The following TDRD1 variants were observed in gnomAD, a reference collection of about 807,000 sequenced individuals.
TDRD1 encodes tudor domain containing 1.
In TDRD1, 37 loss-of-function variants were observed where a neutral mutation model predicts 140.6. The observed-to-expected ratio is 0.26, with a 90% CI of 0.20 to 0.35. The LOEUF is 0.35. Ranked by LOEUF, TDRD1 falls within the 10% of genes least tolerant of loss-of-function variation. The pLI is 1.00. For missense variants in TDRD1, 1,243 were observed against 1,393.0 expected (o/e 0.89, Z 1.71); for synonymous variants, 506 against 475.7 (o/e 1.06, Z -0.83).
chr10:114,186,686 G>A (rs2033558226), intron 1 of TDRD1, among the ~76,000 whole-genome samples: 1 of 152,156 alleles, frequency 6.6e-6, no homozygotes, highest in South Asian at 2.1e-4. Context: ...CCTGGCAGCT[G>A]CAGGATCTCC....
At chr10:114,190,114 G>C (rs1358500566) in intron 2 of TDRD1, among the ~76,000 whole-genome samples, 3 of 152,086 alleles carry the variant, frequency 2.0e-5, no homozygotes, top group Non-Finnish European at 1.5e-5. Context: ...ACCAAAACCA[G>C]AAGCAACATT....
Position 114,212,062 on chromosome 10 carries a change from T to G in TDRD1, c.1831+26T>G, listed in dbSNP as rs559709417. On this transcript the variant is annotated intron_variant, in intron 14 of 25. Coordinates refer to ENST00000251864, the Ensembl canonical transcript of TDRD1. ...GTATGAAATTTTTATAGCCTCCATA[T>G]TCTTTAAAAATTCTACAGATGAAGA... is the stretch of plus-strand genomic sequence containing the variant. The G allele has an allele frequency of 3.8e-6, 6 of 1,562,546 alleles. No homozygotes were observed. The East Asian group carries it at 9.3e-5, about 24-fold the overall frequency.
chr10:114,211,736 C>T (rs1318435808), intron 13 of TDRD1, 130 bp from the exon 14 acceptor site: 3 of 896,248 alleles, frequency 3.3e-6, no homozygotes, highest in Non-Finnish European at 4.8e-6. Context: ...AATTAGTAAA[C>T]ATTGTTCTAT....
At chr10:114,220,728 T>A in exon 19 of TDRD1, 1 of 1,613,126 alleles carries the variant, frequency 6.2e-7, no homozygotes, top group Non-Finnish European at 8.5e-7. Flanking sequence ...GAATAATTAG[T>A]GATGTTCTGA....
rs1000780994 is a variant in TDRD1, at chr10:114,200,802, A to G, written c.530-608A>G. The stretch of plus-strand genomic sequence containing the variant: ...CTTGGTCTCCCAAAGTGCTGGGATT[A>G]CAGGCGTGAGCCACTGCATGTTTTG... On this transcript the variant is annotated intron_variant, in intron 4 of 25. Coordinates refer to ENST00000251864, the Ensembl canonical transcript of TDRD1. Among the ~76,000 whole-genome samples, 4 of 148,878 alleles carry G rather than the reference A, an allele frequency of 2.7e-5. No homozygotes were observed. The South Asian group carries it at 8.6e-4, about 32-fold the overall frequency.
In TDRD1 at chr10:114,211,107, A is replaced by G. The variant is rs1344101721; in HGVS notation, c.1660+140A>G. On this transcript the variant is annotated intron_variant, in intron 13 of 25. Transcript: ENST00000251864. Reference sequence around the variant, plus strand: ...GCTTGAATATTAGAGTGAACCAATCATGTTTTTAAATAGATCAAATTAAAC... The same window carrying G: ...GCTTGAATATTAGAGTGAACCAATCGTGTTTTTAAATAGATCAAATTAAAC... 14 of 650,594 alleles carry G rather than the reference A, an allele frequency of 2.2e-5. No homozygotes were observed. In the East Asian group the frequency reaches 3.4e-4, roughly 16 times the overall value. 40.3% of individuals were successfully genotyped at this position (650,594 alleles called of 1,614,324 possible).
At chr10:114,187,256 A>G (rs1189652287) in intron 1 of TDRD1, among the ~76,000 whole-genome samples, 1 of 152,194 alleles carries the variant, frequency 6.6e-6, no homozygotes, top group Admixed American at 6.5e-5. Context: ...GAGATGATCA[A>G]AGCAGAGGCC....
intron 4 of TDRD1, 54 bp downstream of exon 4, chr10:114,199,371 A>G (rs1333481993): frequency 2.8e-5 from 43 of 1,553,906 alleles, no homozygotes; most frequent in Non-Finnish European, 3.3e-5. Flanking sequence ...TTTGAAAAAC[A>G]TTTTTATTGT....
intron 11 of TDRD1, among the ~76,000 whole-genome samples, chr10:114,208,996 A>G (rs537544276): frequency 5.3e-5 from 8 of 151,970 alleles, no homozygotes; most frequent in Non-Finnish European, 8.8e-5. Context: ...GTTGGCCAGG[A>G]TGGTCTCCAT....
chr10:114,229,234 T>C (rs1220581176), intron 25 of TDRD1, among the ~76,000 whole-genome samples: 1 of 152,256 alleles, frequency 6.6e-6, no homozygotes, highest in African/African-American at 2.4e-5. Flanking sequence ...AACAAATTTA[T>C]ATTAAACTGT....
chr10:114,218,730 G>C, intron 18 of TDRD1, 146 bp downstream of exon 18: 2 of 576,146 alleles, frequency 3.5e-6, no homozygotes. Flanking sequence ...TTACAATATT[G>C]ACCAAAAACG....
rs755348762 is a variant in TDRD1, at chr10:114,206,196, C to T, written c.1298-48C>T. On this transcript the variant is annotated intron_variant, in intron 10 of 25. Coordinates refer to ENST00000251864, the Ensembl canonical transcript of TDRD1. ...TCTTCTTTACGCTTTTCCCATAATT[C>T]TTTGTATAGTTTCTCAATGGAGGCA... The T allele has an allele frequency of 1.0e-5, 14 of 1,356,322 alleles. No individual in the cohort carries two copies. The Admixed American group carries it at 2.1e-4, about 20-fold the overall frequency. 84.0% of individuals were successfully genotyped at this position (1,356,322 alleles called of 1,614,324 possible). A position where few individuals can be genotyped will look rare whatever the true frequency, so the allele number is the denominator to read the frequency against.
exon 2 of TDRD1, chr10:114,188,109 A>G (rs1276171217): frequency 2.5e-6 from 4 of 1,609,372 alleles, no homozygotes; most frequent in East Asian, 2.2e-5. Context: ...AATGGCATCA[A>G]CGGAGAAGTA....
rs369135313 is a variant in TDRD1, at chr10:114,227,989, T to C, written c.3450+33T>C. On this transcript the variant is annotated intron_variant, in intron 24 of 25. Coordinates refer to ENST00000251864, the Ensembl canonical transcript of TDRD1. Reference sequence around the variant, plus strand: ...AAATTTCCTTTAAGTGAAATTATACTCCTAACGTTTTTAGAAATTAAATCA... The same window carrying C: ...AAATTTCCTTTAAGTGAAATTATACCCCTAACGTTTTTAGAAATTAAATCA... 8 of 1,611,424 alleles carry C rather than the reference T, an allele frequency of 5.0e-6. No homozygotes were observed. In the African/African-American group the frequency reaches 1.1e-4, roughly 22 times the overall value.
intron 2 of TDRD1, among the ~76,000 whole-genome samples, chr10:114,188,383 C>T (rs986586737): frequency 1.3e-5 from 2 of 152,116 alleles, no homozygotes; most frequent in East Asian, 3.9e-4. Flanking sequence ...GAGCTTTTTC[C>T]CCACAGAGGA....
upstream of TDRD1, among the ~76,000 whole-genome samples, chr10:114,177,831 TTTC>T (rs1237377296): frequency 2.0e-5 from 3 of 146,388 alleles, no homozygotes; most frequent in Admixed American, 2.1e-4. Flanking sequence ...TTTCTTTCTT[TTTC>T]TTTTTTTTTT....
At chr10:114,182,171 T>C (rs929143516) in intron 1 of TDRD1, among the ~76,000 whole-genome samples, 3 of 152,130 alleles carry the variant, frequency 2.0e-5, no homozygotes, top group African/African-American at 7.2e-5. Context: ...ATGAGAGTCA[T>C]GTCAGTATAA....
At chr10:114,211,954 A>G (rs747413150) in exon 14 of TDRD1, 1 of 1,612,578 alleles carries the variant, frequency 6.2e-7, no homozygotes, top group Non-Finnish European at 8.5e-7. Context: ...GAAACTTTGA[A>G]ATCCTTAGTT....
chr10:114,177,267 G>C (rs2032711164), upstream of TDRD1, among the ~76,000 whole-genome samples: 1 of 151,996 alleles, frequency 6.6e-6, no homozygotes, highest in Non-Finnish European at 1.5e-5. Flanking sequence ...TCCTTCCAAA[G>C]TGTATAGTAT....
Sources: allele counts gnomAD v4.1 joint callset (sites outside exome capture counted in the v4.1 genomes callset), GRCh38; gene constraint gnomAD v4.1.1; transcripts MANE v1.5; gene names NCBI Gene and HGNC (gene_info 2026-07-23, HGNC 2026-07-21).